Variants in PDGFD observed in about 807,000 individuals in gnomAD.
PDGFD encodes platelet derived growth factor D.
In PDGFD, 30 loss-of-function variants were observed where a neutral mutation model predicts 44.7. The observed-to-expected ratio is 0.67, with a 90% CI of 0.50 to 0.91. PDGFD has a LOEUF of 0.91. Ranked by LOEUF, PDGFD falls within the 40% of genes least tolerant of loss-of-function variation. The pLI is 0.00. For missense variants in PDGFD, 445 were observed against 457.8 expected (o/e 0.97, Z 0.25); for synonymous variants, 173 against 168.4 (o/e 1.03, Z -0.21).
intron 6 of PDGFD, among the ~76,000 whole-genome samples, chr11:103,922,731 T>C (rs2134307430): frequency 6.6e-6 from 1 of 152,086 alleles, no homozygotes; most frequent in Non-Finnish European, 1.5e-5. Flanking sequence ...AATAATTCCT[T>C]TTTTTTATTA....
chr11:103,974,600 G>A (rs1859154323), intron 3 of PDGFD, among the ~76,000 whole-genome samples: 1 of 152,074 alleles, frequency 6.6e-6, no homozygotes, highest in Non-Finnish European at 1.5e-5. Context: ...CGTGCATTAG[G>A]TATTTGTCCT....
intron 1 of PDGFD, among the ~76,000 whole-genome samples, chr11:104,011,823 A>G (rs28701826): frequency 2.0e-5 from 3 of 152,146 alleles, no homozygotes; most frequent in South Asian, 2.1e-4. Context: ...ATACTAAAAA[A>G]ATGAAGAAAT....
At chr11:104,103,051 A>G (rs1166892706) in intron 1 of PDGFD, among the ~76,000 whole-genome samples, 1 of 152,188 alleles carries the variant, frequency 6.6e-6, no homozygotes, top group South Asian at 2.1e-4. Flanking sequence ...CACGTTGTGC[A>G]CATGTACCCT....
At chr11:104,146,323 G>T (rs1300407723) in intron 1 of PDGFD, among the ~76,000 whole-genome samples, 1 of 152,176 alleles carries the variant, frequency 6.6e-6, no homozygotes, top group Non-Finnish European at 1.5e-5. Context: ...GAAAAGAAGT[G>T]TGTTCCAGGG....
At chr11:104,109,029 C>A (rs1861509393) in intron 1 of PDGFD, among the ~76,000 whole-genome samples, 1 of 133,898 alleles carries the variant, frequency 7.5e-6, no homozygotes, top group South Asian at 2.3e-4. Flanking sequence ...GGAAGGGGGA[C>A]ATCACACATC....
chr11:104,033,159 T>C (rs1860156374), intron 1 of PDGFD, among the ~76,000 whole-genome samples: 1 of 151,866 alleles, frequency 6.6e-6, no homozygotes, highest in Non-Finnish European at 1.5e-5. Context: ...AAATTCTGAG[T>C]TGGGACAATT....
At chr11:104,009,204 C>G (rs1859746305) in intron 1 of PDGFD, among the ~76,000 whole-genome samples, 1 of 151,966 alleles carries the variant, frequency 6.6e-6, no homozygotes, top group Admixed American at 6.6e-5. Flanking sequence ...GAGCCAGGCC[C>G]TACCATACTT....
chr11:104,118,318 C>G (rs1861671853), intron 1 of PDGFD, among the ~76,000 whole-genome samples: 1 of 151,774 alleles, frequency 6.6e-6, no homozygotes, highest in South Asian at 2.1e-4. Flanking sequence ...CCTCTCTACT[C>G]TAGGCTATGT....
chr11:104,105,162 T>G (rs1861454661), intron 1 of PDGFD, among the ~76,000 whole-genome samples: 1 of 152,160 alleles, frequency 6.6e-6, no homozygotes, highest in Non-Finnish European at 1.5e-5. Flanking sequence ...AGACAGTAAC[T>G]TGCCCAGGAT....
At chr11:103,948,995 CTTTTTTTT>C (rs10606695) in intron 3 of PDGFD, among the ~76,000 whole-genome samples, 3 of 77,046 alleles carry the variant, frequency 3.9e-5, no homozygotes, top group African/African-American at 5.7e-5. Flanking sequence ...ATTTTAGTCA[CTTTTTTTT>C]TTTTTTTTTT....
intron 1 of PDGFD, 129 bp from the exon 2 acceptor site, chr11:104,000,384 A>C (rs1003161330): frequency 6.6e-5 from 51 of 773,020 alleles, no homozygotes; most frequent in Non-Finnish European, 8.7e-5. Context: ...CATTAAGTCT[A>C]AATGCAAATA....
chr11:103,941,805 G>C (rs1858588439), intron 5 of PDGFD, among the ~76,000 whole-genome samples: 1 of 152,064 alleles, frequency 6.6e-6, no homozygotes, highest in Non-Finnish European at 1.5e-5. Context: ...GCTGAAGACA[G>C]AGTCAGCTTT....
chr11:104,107,857 T>C (rs890177202), intron 1 of PDGFD, among the ~76,000 whole-genome samples: 2 of 152,178 alleles, frequency 1.3e-5, no homozygotes, highest in African/African-American at 4.8e-5. Context: ...TGTCACATAG[T>C]AAGCTCCATA....
intron 3 of PDGFD, among the ~76,000 whole-genome samples, chr11:103,963,323 C>G (rs1858967327): frequency 6.6e-6 from 1 of 152,122 alleles, no homozygotes; most frequent in Admixed American, 6.6e-5. Context: ...ACTATATGAG[C>G]TGGGTATAGG....
At chr11:104,055,261 G>T (rs767114882) in intron 1 of PDGFD, among the ~76,000 whole-genome samples, 2 of 152,206 alleles carry the variant, frequency 1.3e-5, no homozygotes, top group Admixed American at 6.5e-5. Context: ...GGGTCACACG[G>T]ATGTGAGTTT....
chr11:104,007,142 T>A (rs948711673), intron 1 of PDGFD, among the ~76,000 whole-genome samples: 3 of 152,186 alleles, frequency 2.0e-5, no homozygotes, highest in Non-Finnish European at 4.4e-5. Context: ...CACATGCCTG[T>A]CGCAAGTCCT....
At chr11:104,125,594 T>G (rs765127046) in intron 1 of PDGFD, among the ~76,000 whole-genome samples, 1 of 152,098 alleles carries the variant, frequency 6.6e-6, no homozygotes, top group African/African-American at 2.4e-5. Context: ...AGACCTAGGT[T>G]CAAATAAAAC....
intron 6 of PDGFD, among the ~76,000 whole-genome samples, chr11:103,916,152 A>G (rs7929033): frequency 0.46 from 69,186 of 151,554 alleles, 15,832 homozygotes; most frequent in South Asian, 0.49. Flanking sequence ...AGAGTGAACA[A>G]GCAACCTACA....
At chr11:104,152,983 T>C (rs1862264906) in intron 1 of PDGFD, among the ~76,000 whole-genome samples, 1 of 152,204 alleles carries the variant, frequency 6.6e-6, no homozygotes, top group South Asian at 2.1e-4. Flanking sequence ...TCACTGTGCA[T>C]GCATTTCAGG....
Sources: gnomAD v4.1 joint callset for allele counts (sites outside exome capture counted in the v4.1 genomes callset) on GRCh38, gnomAD v4.1.1 for gene constraint, MANE v1.5 for transcripts, NCBI Gene and HGNC (gene_info 2026-07-23, HGNC 2026-07-21) for gene names.